FAF1: variants seen among roughly 807,000 people sequenced by gnomAD.
The protein encoded by FAF1 is Fas associated factor 1, also known as FAS-associated factor 1.
A neutral mutation model predicts 92.5 loss-of-function variants in FAF1; 25 were observed. The ratio of observed to expected loss-of-function variants is 0.27; its 90% CI spans 0.20 to 0.38. The LOEUF (loss-of-function observed/expected upper bound fraction) is 0.38, where lower values mean the gene tolerates loss of function less well. Among genes scored for constraint, FAF1 ranks in the 10% least tolerant of loss-of-function variants. The probability of loss-of-function intolerance (pLI) is 1.00; values close to 1 mark genes in which losing one functional copy is unlikely to be tolerated. For synonymous variants in FAF1, 234 were observed against 273.2 expected (o/e 0.86, Z 1.42); for missense variants, 636 against 793.3 (o/e 0.80, Z 2.38).
chr1:50,464,120 C>CTCTGTGT (rs1310042767), intron 18 of FAF1, among the ~76,000 whole-genome samples: 1 of 152,148 alleles, frequency 6.6e-6, no homozygotes, highest in Non-Finnish European at 1.5e-5. Flanking sequence ...TTGAATGTAC[C>CTCTGTGT]ATGTGCCATG....
In FAF1 at chr1:50,517,900, C is replaced by T. The variant is rs114421797; in HGVS notation, c.1494+17469G>A. ...AAAGTTATTAAAACAAATGAAAGAA[C>T]AATAAAATTTTGTTAAAACCCATTT... On this transcript the variant is annotated intron_variant, in intron 15 of 18. Transcript: ENST00000396153. Among the ~76,000 whole-genome samples, 1,329 of 152,192 alleles carry T rather than the reference C, an allele frequency of 8.7e-3. 5 individuals carry two copies. The highest frequency in any genetic ancestry group is 0.014 in the Non-Finnish European group (921 of 67,972).
chr1:50,570,146 T>C lies in FAF1; in HGVS notation c.1114-2915A>G, dbSNP rs569077855. Among the ~76,000 whole-genome samples the C allele has an allele frequency of 5.3e-5, 8 of 152,280 alleles. No homozygotes were observed. The South Asian group carries it at 1.7e-3, about 32-fold the overall frequency. ...TGATTAGGCCCTTAGAATAAGCCTC[T>C]AGCTCCTAGAGAGACAGCTCACCAC... On this transcript the variant is annotated intron_variant, in intron 12 of 18. Transcript: ENST00000396153.
At chr1:50,855,603 T>C (rs910180010) in intron 2 of FAF1, among the ~76,000 whole-genome samples, 8 of 151,880 alleles carry the variant, frequency 5.3e-5, no homozygotes, top group African/African-American at 1.9e-4. Context: ...TAAAGTTCCA[T>C]GATGCTACTG....
intron 13 of FAF1, among the ~76,000 whole-genome samples, chr1:50,541,751 G>A (rs1648768736): frequency 1.3e-5 from 2 of 151,524 alleles, no homozygotes; most frequent in Admixed American, 6.6e-5. Flanking sequence ...AGAAATAAAG[G>A]AAAGAAAGAG....
At chr1:50,780,909 A>G (rs1661151225) in intron 4 of FAF1, 2 of 491,136 alleles carry the variant, frequency 4.1e-6, no homozygotes, top group Admixed American at 4.1e-5. Flanking sequence ...CTCAGCAGGA[A>G]GCAGACAGGG....
chr1:50,490,932 C>A (rs1349553513), intron 16 of FAF1, among the ~76,000 whole-genome samples: 2 of 152,156 alleles, frequency 1.3e-5, no homozygotes, highest in Admixed American at 1.3e-4. Flanking sequence ...AAGTGGCATT[C>A]AAGATCCTTC....
chr1:50,732,642 T>A (rs1369007206), intron 6 of FAF1, among the ~76,000 whole-genome samples: 1 of 152,208 alleles, frequency 6.6e-6, no homozygotes, highest in East Asian at 1.9e-4. Flanking sequence ...AGATGTCTCT[T>A]TGGTAAACAA....
intron 6 of FAF1, among the ~76,000 whole-genome samples, chr1:50,708,968 C>T (rs1657804135): frequency 6.6e-6 from 1 of 152,094 alleles, no homozygotes; most frequent in South Asian, 2.1e-4. Context: ...GGAAATGAGG[C>T]TCAAACAATA....
At chr1:50,836,139 T>G (rs1644199122) in intron 2 of FAF1, among the ~76,000 whole-genome samples, 1 of 151,694 alleles carries the variant, frequency 6.6e-6, no homozygotes, top group South Asian at 2.1e-4. Context: ...TTTGGGGATT[T>G]TGTGTGTGTG....
chr1:50,831,740 A>G (rs2124632723), intron 2 of FAF1, among the ~76,000 whole-genome samples: 1 of 146,122 alleles, frequency 6.8e-6, no homozygotes, highest in South Asian at 2.3e-4. Context: ...TAAAGTAAGG[A>G]TTGGGATTAC....
intron 13 of FAF1, among the ~76,000 whole-genome samples, chr1:50,544,782 A>G (rs540450317): frequency 6.6e-6 from 1 of 152,340 alleles, no homozygotes; most frequent in African/African-American, 2.4e-5. Context: ...GTGGTCAGGG[A>G]AAGTCTCAAT....
At chr1:50,803,337 T>C (rs1344073812) in intron 2 of FAF1, among the ~76,000 whole-genome samples, 2 of 152,146 alleles carry the variant, frequency 1.3e-5, no homozygotes, top group African/African-American at 4.8e-5. Context: ...CAAAGTATAA[T>C]GGGAAGAATA....
At chr1:50,541,513 TC>T (rs1209696096) in intron 13 of FAF1, among the ~76,000 whole-genome samples, 5 of 152,206 alleles carry the variant, frequency 3.3e-5, no homozygotes, top group Admixed American at 2.6e-4. Flanking sequence ...TGTGCTTTTT[TC>T]TAAAATATTT....
At chr1:50,576,640 C>A (rs532028455) in intron 12 of FAF1, among the ~76,000 whole-genome samples, 3 of 151,010 alleles carry the variant, frequency 2.0e-5, no homozygotes, top group South Asian at 2.1e-4. Context: ...ACCGCCCCCC[C>A]CCCGCCACCA....
intron 6 of FAF1, among the ~76,000 whole-genome samples, chr1:50,715,870 T>A (rs918874614): frequency 1.3e-5 from 2 of 152,176 alleles, no homozygotes; most frequent in African/African-American, 4.8e-5. Flanking sequence ...CCTAATAAAT[T>A]TGAAGCTCTA....
chr1:50,448,275 C>G (rs367830591), intron 18 of FAF1, among the ~76,000 whole-genome samples: 2 of 152,112 alleles, frequency 1.3e-5, no homozygotes, highest in African/African-American at 4.8e-5. Context: ...GAAGTGTGAT[C>G]CCAGGGAGGG....
intron 8 of FAF1, among the ~76,000 whole-genome samples, chr1:50,630,828 CTTTTTTTTTTT>C (rs1052085908): frequency 7.8e-5 from 8 of 102,530 alleles, no homozygotes; most frequent in East Asian, 2.4e-4. Context: ...TGTATCATAT[CTTTTTTTTTTT>C]TTTTTTTTTT....
intron 7 of FAF1, among the ~76,000 whole-genome samples, chr1:50,674,294 A>C (rs1198294176): frequency 1.3e-5 from 2 of 151,998 alleles, no homozygotes; most frequent in Non-Finnish European, 2.9e-5. Context: ...CACATCCCTA[A>C]AAACTGAAAC....
chr1:50,590,785 C>G (rs755813134), intron 9 of FAF1, among the ~76,000 whole-genome samples: 60 of 151,938 alleles, frequency 3.9e-4, no homozygotes, highest in Non-Finnish European at 8.1e-4. Flanking sequence ...AGTTTGAGAC[C>G]AGTCTGACCA....
Sources: gnomAD v4.1 joint callset for allele counts (sites outside exome capture counted in the v4.1 genomes callset) on GRCh38, gnomAD v4.1.1 for gene constraint, MANE v1.5 for transcripts, NCBI Gene and HGNC (gene_info 2026-07-23, HGNC 2026-07-21) for gene names.